PARD3: variants seen among roughly 807,000 people sequenced by gnomAD.
The protein encoded by PARD3 is par-3 family cell polarity regulator, also known as partitioning defective 3 homolog.
PARD3 carries 75 observed loss-of-function variants against 155.4 expected under a neutral mutation model. That is an observed-to-expected ratio of 0.48 (90% CI 0.40 to 0.58). PARD3 has a LOEUF of 0.58. Among genes scored for constraint, PARD3 ranks in the 20% least tolerant of loss-of-function variants. The probability of loss-of-function intolerance (pLI) is 0.00; values close to 1 mark genes in which losing one functional copy is unlikely to be tolerated. For missense variants in PARD3, 1,642 were observed against 1,721.7 expected, an observed-to-expected ratio of 0.95 and a Z score of 0.82; for synonymous variants, 576 against 610.5, an observed-to-expected ratio of 0.94 and a Z score of 0.83.
At chr10:34,300,295 T>C (rs1353566482) in intron 20 of PARD3, among the ~76,000 whole-genome samples, 1 of 152,112 alleles carries the variant, frequency 6.6e-6, no homozygotes, top group Non-Finnish European at 1.5e-5. Flanking sequence ...GAGTACATAG[T>C]GGGGGCTCCT....
At chr10:34,313,416 A>G (rs1212236613) in intron 20 of PARD3, among the ~76,000 whole-genome samples, 1 of 152,202 alleles carries the variant, frequency 6.6e-6, no homozygotes, top group African/African-American at 2.4e-5. Flanking sequence ...TTGTTATTTG[A>G]TTCCTTATAG....
intron 2 of PARD3, among the ~76,000 whole-genome samples, chr10:34,595,084 C>T (rs1347955249): frequency 3.9e-5 from 6 of 152,196 alleles, no homozygotes; most frequent in Non-Finnish European, 8.8e-5. Context: ...AAACTTGAGA[C>T]TGGAGTTCCA....
chr10:34,435,542 G>A (rs543289836), intron 5 of PARD3, among the ~76,000 whole-genome samples: 10 of 152,172 alleles, frequency 6.6e-5, no homozygotes, highest in Non-Finnish European at 1.3e-4. Flanking sequence ...AATATCTGTT[G>A]ACTAAGCCCC....
chr10:34,598,907 C>T (rs182912319), intron 2 of PARD3, among the ~76,000 whole-genome samples: 163 of 152,228 alleles, frequency 1.1e-3, no homozygotes, highest in African/African-American at 3.5e-3. Context: ...TTCCAGAGTC[C>T]AGCCCCTACC....
chr10:34,717,435 G>A (rs2094537376), intron 1 of PARD3, among the ~76,000 whole-genome samples: 1 of 152,116 alleles, frequency 6.6e-6, no homozygotes, highest in Non-Finnish European at 1.5e-5. Flanking sequence ...AAAATTAAAA[G>A]TACCTAATCT....
At chr10:34,619,372 G>A (rs753088195) in intron 2 of PARD3, among the ~76,000 whole-genome samples, 5 of 151,892 alleles carry the variant, frequency 3.3e-5, no homozygotes, top group Non-Finnish European at 7.4e-5. Context: ...AAGTCTTTAC[G>A]GTGTAGCTCA....
chr10:34,706,386 G>C, intron 1 of PARD3, among the ~76,000 whole-genome samples: 1 of 152,128 alleles, frequency 6.6e-6, no homozygotes, highest in East Asian at 1.9e-4. Flanking sequence ...AGGGTTGCTT[G>C]TCTTCTTTCC....
At position 34,794,720 on chromosome 10, in the gene PARD3, T is replaced by A. The variant is rs55684662; in HGVS notation, c.120+20156A>T. On this transcript the variant is annotated intron_variant, in intron 1 of 24. Transcript: ENST00000374788. ...CACATAGCCTGGGAAAGTTGTTAGATCTTTGGGCTCATGAAATATGAACAC... is the reference window on the plus strand; with the variant it reads ...CACATAGCCTGGGAAAGTTGTTAGAACTTTGGGCTCATGAAATATGAACAC... Among the ~76,000 whole-genome samples the A allele has an allele frequency of 5.2e-3, 786 of 152,360 alleles. 7 individuals carry two copies. Among genetic ancestry groups the A allele is most frequent in the African/African-American group, 0.018 (750 of 41,590 alleles).
chr10:34,739,096 G>C (rs537139103), intron 1 of PARD3, among the ~76,000 whole-genome samples: 1 of 152,240 alleles, frequency 6.6e-6, no homozygotes, highest in Admixed American at 6.5e-5. Context: ...CTGAAATGTA[G>C]GTAAAGTTTT....
intron 2 of PARD3, among the ~76,000 whole-genome samples, chr10:34,677,472 T>C (rs948345593): frequency 6.7e-6 from 1 of 148,506 alleles, no homozygotes; most frequent in African/African-American, 2.5e-5. Flanking sequence ...AGATCTAGAC[T>C]CTGTCTCAAA....
intron 3 of PARD3, among the ~76,000 whole-genome samples, chr10:34,475,684 C>T (rs554148925): frequency 2.4e-4 from 37 of 152,284 alleles, no homozygotes; most frequent in African/African-American, 7.0e-4. Flanking sequence ...CAGAAAATCA[C>T]ATGTTAATAT....
chr10:34,374,758 A>T (rs1361159186), intron 11 of PARD3, 116 bp downstream of exon 11: 1 of 970,080 alleles, frequency 1.0e-6, no homozygotes, highest in South Asian at 1.6e-5. Context: ...TGAAAGAAAT[A>T]TAAGATCTAG....
At chr10:34,203,489 G>C (rs574854950) in intron 22 of PARD3, among the ~76,000 whole-genome samples, 1 of 152,188 alleles carries the variant, frequency 6.6e-6, no homozygotes, top group Non-Finnish European at 1.5e-5. Context: ...GGATGTGCAA[G>C]TCTATTATAT....
rs552882655 is a variant in PARD3 at position 34,227,575 on chromosome 10, T to A, written c.3419+42082A>T. Among the ~76,000 whole-genome samples, 4 of 152,062 alleles carry A rather than the reference T, an allele frequency of 2.6e-5. No homozygotes were observed. In the East Asian group the frequency reaches 7.7e-4, roughly 29 times the overall value. On this transcript the variant is annotated intron_variant, in intron 22 of 24. Transcript: ENST00000374788. ...AGCGCTTGAACCCGGGAGGCAGAGGTTGCAGTGAGCCGAGATTGCGCCATT... is the reference window on the plus strand; with the variant it reads ...AGCGCTTGAACCCGGGAGGCAGAGGATGCAGTGAGCCGAGATTGCGCCATT...
intron 24 of PARD3, among the ~76,000 whole-genome samples, chr10:34,117,709 C>G (rs1352563515): frequency 6.6e-6 from 1 of 152,076 alleles, no homozygotes; most frequent in Non-Finnish European, 1.5e-5. Context: ...GCCAGGGGTT[C>G]GAAACCAGCC....
intron 20 of PARD3, among the ~76,000 whole-genome samples, chr10:34,306,917 C>T (rs759759603): frequency 3.3e-4 from 50 of 151,882 alleles, no homozygotes; most frequent in Non-Finnish European, 6.5e-4. Context: ...GACGGAGTCT[C>T]GTTCTGTCCC....
chr10:34,123,371 A>G lies in PARD3; in HGVS notation c.3541-3631T>C, dbSNP rs200624559. ...AGGGATAATAATTCAAGCTTGAGGA[A>G]GCTATACAATGTTGGTATCATTTAG... On this transcript the variant is annotated intron_variant, in intron 23 of 24. Coordinates refer to ENST00000374788, the MANE Select transcript of PARD3 (RefSeq NM_001184785.2). Among the ~76,000 whole-genome samples, 54 of 152,354 alleles carry G rather than the reference A, an allele frequency of 3.5e-4. No individual in the cohort carries two copies. In the East Asian group the frequency reaches 9.8e-3, roughly 28 times the overall value.
chr10:34,635,372 C>T (rs545160697), intron 2 of PARD3, among the ~76,000 whole-genome samples: 266 of 152,334 alleles, frequency 1.7e-3, no homozygotes, highest in African/African-American at 5.9e-3. Flanking sequence ...GGGCTTGGGC[C>T]CTAGAGCCAG....
chr10:34,772,269 A>C (rs1838979514), intron 1 of PARD3, among the ~76,000 whole-genome samples: 1 of 151,258 alleles, frequency 6.6e-6, no homozygotes, highest in Non-Finnish European at 1.5e-5. Flanking sequence ...CTAAAAATAC[A>C]AAAAATTAGC....
Sources: gnomAD v4.1 joint callset for allele counts (sites outside exome capture counted in the v4.1 genomes callset) on GRCh38, gnomAD v4.1.1 for gene constraint, MANE v1.5 for transcripts, NCBI Gene and HGNC (gene_info 2026-07-23, HGNC 2026-07-21) for gene names.